Variants in PHACTR1 observed in about 807,000 individuals in gnomAD.
The protein encoded by PHACTR1 is RPEL repeat containing 1.
PHACTR1 carries 16 observed loss-of-function variants against 69.2 expected under a neutral mutation model. The observed-to-expected ratio is 0.23, with a 90% confidence interval of 0.16 to 0.35. The LOEUF is 0.35. PHACTR1 is among the 10% of genes least tolerant of loss of function. The pLI, the probability that PHACTR1 is intolerant of heterozygous loss-of-function variation, is 1.00. For synonymous variants in PHACTR1, 312 were observed against 284.5 expected, an observed-to-expected ratio of 1.10 and a Z score of -0.97; for missense variants, 510 against 734.7, an observed-to-expected ratio of 0.69 and a Z score of 3.54.
intron 4 of PHACTR1, among the ~76,000 whole-genome samples, chr6:13,007,145 C>T (rs1485282240): frequency 1.3e-5 from 2 of 152,144 alleles, no homozygotes; most frequent in Non-Finnish European, 2.9e-5. Context: ...TATAAATATA[C>T]CACAATTTAT....
At chr6:13,086,083 T>TAAAAAAAAAAAAAAAAAAAAAAAAAA in intron 5 of PHACTR1, among the ~76,000 whole-genome samples, 1 of 60,282 alleles carries the variant, frequency 1.7e-5, no homozygotes, top group Non-Finnish European at 2.9e-5. Flanking sequence ...TACACATTTC[T>TAAAAAAAAAAAAAAAAAAAAAAAAAA]AAAAAAAAAA....
rs115101968 is a variant in PHACTR1, at chr6:13,182,711, G to T, written c.664+25G>T. 2.6e-3 allele frequency: 3,834 copies of T among 1,499,254 alleles called. 78 individuals carry two copies. In the African/African-American group the frequency reaches 0.048, roughly 19 times the overall value. The allele number at this position is 1,499,254 out of a possible 1,614,324, so 92.9% of individuals were successfully genotyped here. On this transcript the variant is annotated intron_variant, in intron 7 of 14. Coordinates refer to ENST00000332995, the MANE Select transcript of PHACTR1 (RefSeq NM_030948.6). ...GGTAATGCCCCGGCAGGATTGTAGA[G>T]CAGGTCCCAGACACCAAGTCCAGCC...
chr6:13,170,521 A>T (rs1760448048), intron 6 of PHACTR1, among the ~76,000 whole-genome samples: 1 of 152,188 alleles, frequency 6.6e-6, no homozygotes, highest in African/African-American at 2.4e-5. Flanking sequence ...TATAACTGGA[A>T]AGCCAGCCAA....
intron 4 of PHACTR1, among the ~76,000 whole-genome samples, chr6:12,818,705 CT>C (rs894092841): frequency 1.3e-5 from 2 of 152,140 alleles, no homozygotes; most frequent in Non-Finnish European, 2.9e-5. Flanking sequence ...AAATCAAAAC[CT>C]TTAGGAAAAA....
chr6:13,233,338 G>GATGCTTAAATGCTGCTTGGAATTTGTA (rs11272260), intron 10 of PHACTR1, among the ~76,000 whole-genome samples: 1 of 151,964 alleles, frequency 6.6e-6, no homozygotes. Flanking sequence ...CCCTTATAAG[G>GATGCTTAAATGCTGCTTGGAATTTGTA]ACATCCACTG....
intron 8 of PHACTR1, among the ~76,000 whole-genome samples, chr6:13,220,779 A>G (rs1768482307): frequency 1.3e-5 from 2 of 152,240 alleles, no homozygotes; most frequent in African/African-American, 4.8e-5. Flanking sequence ...TAATTTTAGC[A>G]AATTAAGTAA....
intron 4 of PHACTR1, among the ~76,000 whole-genome samples, chr6:12,971,001 G>A (rs533247766): frequency 7.9e-5 from 12 of 152,264 alleles, no homozygotes; most frequent in African/African-American, 2.6e-4. Context: ...GCTGAAACTG[G>A]GTAGTAGTGA....
At chr6:13,170,756 T>G (rs1760479401) in intron 6 of PHACTR1, among the ~76,000 whole-genome samples, 1 of 152,194 alleles carries the variant, frequency 6.6e-6, no homozygotes, top group Non-Finnish European at 1.5e-5. Flanking sequence ...AGGGCATCTT[T>G]TCATCTCTCT....
chr6:13,269,454 C>A (rs1777311650), intron 10 of PHACTR1, among the ~76,000 whole-genome samples: 1 of 152,210 alleles, frequency 6.6e-6, no homozygotes, highest in Admixed American at 6.5e-5. Context: ...AAATTTAGAC[C>A]CCCTAATATT....
intron 4 of PHACTR1, among the ~76,000 whole-genome samples, chr6:12,806,423 C>T (rs561326529): frequency 6.6e-6 from 1 of 152,244 alleles, no homozygotes; most frequent in Non-Finnish European, 1.5e-5. Flanking sequence ...CCTTTTAGGT[C>T]ACAAAATCCT....
intron 11 of PHACTR1, 55 bp from the exon 12 acceptor site, chr6:13,278,213 C>G: frequency 6.6e-7 from 1 of 1,521,340 alleles, no homozygotes. Context: ...AAAGGATGCA[C>G]CTGTACACAA....
At chr6:12,955,267 T>C (rs1400913672) in intron 4 of PHACTR1, among the ~76,000 whole-genome samples, 1 of 147,680 alleles carries the variant, frequency 6.8e-6, no homozygotes, top group Non-Finnish European at 1.5e-5. Flanking sequence ...AGTACAGTCG[T>C]GGCTCACCGT....
chr6:13,015,388 T>G (rs1458627812), intron 4 of PHACTR1, among the ~76,000 whole-genome samples: 1 of 152,072 alleles, frequency 6.6e-6, no homozygotes, highest in African/African-American at 2.4e-5. Context: ...CTATTAGGTG[T>G]AGGGGGGATA....
intron 5 of PHACTR1, among the ~76,000 whole-genome samples, chr6:13,077,400 G>C (rs1810684990): frequency 6.6e-6 from 1 of 152,186 alleles, no homozygotes. Context: ...CACCACCACA[G>C]CTACAGTCCT....
At chr6:13,035,924 T>C (rs957683205) in intron 4 of PHACTR1, among the ~76,000 whole-genome samples, 2 of 152,210 alleles carry the variant, frequency 1.3e-5, no homozygotes, top group African/African-American at 2.4e-5. Context: ...AAACGTAATA[T>C]TTATATTACA....
chr6:13,207,084 C>T (rs1766051493), intron 8 of PHACTR1, among the ~76,000 whole-genome samples: 1 of 152,228 alleles, frequency 6.6e-6, no homozygotes, highest in African/African-American at 2.4e-5. Flanking sequence ...TGCACACGCA[C>T]ATGCACGCAC....
chr6:12,779,196 G>A (rs1465910546), intron 4 of PHACTR1, among the ~76,000 whole-genome samples: 3 of 152,134 alleles, frequency 2.0e-5, no homozygotes, highest in Admixed American at 6.5e-5. Context: ...TTAGCTGGGT[G>A]TGGTAGCACA....
chr6:12,840,297 T>G (rs1778565012), intron 4 of PHACTR1, among the ~76,000 whole-genome samples: 1 of 145,162 alleles, frequency 6.9e-6, no homozygotes, highest in South Asian at 2.2e-4. Context: ...ATGGTATGGA[T>G]CTTTATAGAA....
intron 8 of PHACTR1, 104 bp downstream of exon 8, chr6:13,206,240 C>G: frequency 8.5e-7 from 1 of 1,171,588 alleles, no homozygotes; most frequent in Non-Finnish European, 1.2e-6. Flanking sequence ...AGGGGTCATC[C>G]CCACTGGGGG....
Sources: gnomAD v4.1 joint callset for allele counts (sites outside exome capture counted in the v4.1 genomes callset) on GRCh38, gnomAD v4.1.1 for gene constraint, MANE v1.5 for transcripts, NCBI Gene and HGNC (gene_info 2026-07-23, HGNC 2026-07-21) for gene names.